Variants in CAGE1 observed in about 807,000 individuals in gnomAD.
The protein encoded by CAGE1 is cancer antigen 1.
Under a neutral mutation model 94.9 loss-of-function variants are expected in CAGE1, and 66 were observed. The ratio of observed to expected loss-of-function variants is 0.70; its 90% CI spans 0.57 to 0.85. The LOEUF (loss-of-function observed/expected upper bound fraction) is 0.85. Ranked by LOEUF, CAGE1 falls within the 40% of genes least tolerant of loss-of-function variation. The pLI, the probability that CAGE1 is intolerant of heterozygous loss-of-function variation, is 0.00. For missense variants in CAGE1, 865 were observed against 950.4 expected (o/e 0.91, Z 1.18); for synonymous variants, 319 against 321.0 (o/e 0.99, Z 0.07).
chr6:7,329,900 A>G lies in CAGE1; in HGVS notation c.2439-12T>C, dbSNP rs1758685298. 1.5e-6 allele frequency: 2 copies of G among 1,333,826 alleles called. No individual in the cohort carries two copies. Among genetic ancestry groups the G allele is most frequent in the Non-Finnish European group, 2.1e-6 (2 of 946,208 alleles). 82.6% of individuals were successfully genotyped at this position (1,333,826 alleles called of 1,614,324 possible). A position where few individuals can be genotyped will look rare whatever the true frequency, so the allele number is the denominator to read the frequency against. On this transcript the variant is annotated splice_polypyrimidine_tract_variant and intron_variant, in intron 12 of 13. Coordinates refer to ENST00000502583, the MANE Select transcript of CAGE1 (RefSeq NM_001170692.2). The stretch of plus-strand genomic sequence containing the variant: ...CTAAGCTTTTTGATCTGTAAGAAAT[A>G]GAAAGAAAATAATGTAAAAAGGAGG...
At chr6:7,376,590 T>C (rs1213630498) in intron 4 of CAGE1, among the ~76,000 whole-genome samples, 1 of 151,964 alleles carries the variant, frequency 6.6e-6, no homozygotes, top group African/African-American at 2.4e-5. Context: ...TTGTTATTCA[T>C]TATAAATTGC....
intron 11 of CAGE1, among the ~76,000 whole-genome samples, chr6:7,335,968 T>C (rs952807718): frequency 2.0e-5 from 3 of 152,236 alleles, no homozygotes; most frequent in Admixed American, 6.5e-5. Flanking sequence ...AAAAAATGTG[T>C]TAAATATTAT....
intron 11 of CAGE1, among the ~76,000 whole-genome samples, chr6:7,345,072 T>G (rs1759384272): frequency 6.6e-6 from 1 of 151,964 alleles, no homozygotes; most frequent in Admixed American, 6.6e-5. Context: ...GTTGAAAGCT[T>G]TGTTCTTTCA....
intron 12 of CAGE1, among the ~76,000 whole-genome samples, chr6:7,333,739 G>T: frequency 6.7e-6 from 1 of 148,930 alleles, no homozygotes; most frequent in Non-Finnish European, 1.5e-5. Flanking sequence ...CACGATCTCG[G>T]CTCACTGCAA....
At chr6:7,350,631 G>T (rs1363674072) in intron 11 of CAGE1, among the ~76,000 whole-genome samples, 1 of 152,072 alleles carries the variant, frequency 6.6e-6, no homozygotes, top group African/African-American at 2.4e-5. Context: ...GCAAATACAT[G>T]GAAATTAAAT....
intron 7 of CAGE1, among the ~76,000 whole-genome samples, chr6:7,367,924 T>C (rs1760406646): frequency 6.6e-6 from 1 of 152,150 alleles, no homozygotes; most frequent in Non-Finnish European, 1.5e-5. Context: ...TCAATCTGTA[T>C]ACTACCACAC....
At chr6:7,352,343 C>T (rs1431300299) in intron 11 of CAGE1, among the ~76,000 whole-genome samples, 19 of 140,872 alleles carry the variant, frequency 1.3e-4, no homozygotes, top group Non-Finnish European at 2.2e-4. Context: ...ACCAAAGAGT[C>T]GAAAGACCTC....
chr6:7,345,924 C>G (rs1348151692), intron 11 of CAGE1, among the ~76,000 whole-genome samples: 1 of 151,650 alleles, frequency 6.6e-6, no homozygotes, highest in Non-Finnish European at 1.5e-5. Flanking sequence ...GAGTCCATCT[C>G]AAAAAAAGAA....
rs377130628 is a variant in CAGE1, at chr6:7,346,346, G to C, written c.2369+8695C>G. 5.9e-5 allele frequency among the ~76,000 whole-genome samples: 9 copies of C among 151,992 alleles called. No individual in the cohort carries two copies. In the East Asian group the frequency reaches 9.7e-4, roughly 16 times the overall value. ...AAGGTGGTAGGACTGATTGAGTCCA[G>C]GAGTTCAAGACCAGCCTGGGCAACA... On this transcript the variant is annotated intron_variant, in intron 11 of 13. Transcript: ENST00000502583.
At position 7,326,832 on chromosome 6, in the gene CAGE1, G is replaced by T. The variant is rs1300879309; in HGVS notation, c.*26C>A. ...TCTTCCTGGAGTGGTTGACAAAAATGATTACTGTTTAATCTTCAGGCTTGT... is the reference window on the plus strand; with the variant it reads ...TCTTCCTGGAGTGGTTGACAAAAATTATTACTGTTTAATCTTCAGGCTTGT... On this transcript the variant is annotated 3_prime_UTR_variant, in exon 14 of 14. Coordinates refer to ENST00000502583, the MANE Select transcript of CAGE1 (RefSeq NM_001170692.2). 1.3e-6 allele frequency: 2 copies of T among 1,513,870 alleles called. No homozygotes were observed. 93.8% of individuals were successfully genotyped at this position (1,513,870 alleles called of 1,614,324 possible). A position where few individuals can be genotyped will look rare whatever the true frequency, so the allele number is the denominator to read the frequency against.
chr6:7,348,960 A>C (rs962578131), intron 11 of CAGE1, among the ~76,000 whole-genome samples: 1 of 152,254 alleles, frequency 6.6e-6, no homozygotes, highest in African/African-American at 2.4e-5. Flanking sequence ...GAGGAAGAAG[A>C]GAAATCTAAA....
At chr6:7,357,688 C>T (rs1396540009) in intron 9 of CAGE1, among the ~76,000 whole-genome samples, 3 of 152,082 alleles carry the variant, frequency 2.0e-5, no homozygotes, top group Non-Finnish European at 4.4e-5. Context: ...TGAGTTTCTG[C>T]TAACGTACAA....
intron 9 of CAGE1, among the ~76,000 whole-genome samples, chr6:7,356,894 T>G (rs1215976989): frequency 6.6e-6 from 1 of 152,100 alleles, no homozygotes; most frequent in African/African-American, 2.4e-5. Context: ...CCTCCCAGGT[T>G]CAAGCAATTC....
At chr6:7,359,143 T>A (rs1354400154) in intron 9 of CAGE1, among the ~76,000 whole-genome samples, 2 of 152,024 alleles carry the variant, frequency 1.3e-5, no homozygotes, top group African/African-American at 2.4e-5. Context: ...TCCTCCCAGG[T>A]TCAAGTGATT....
Position 7,389,671 on chromosome 6 carries a change from G to A in CAGE1, c.-493C>T, listed in dbSNP as rs1761269391. ...CGGCCAGCACGGGCCTCGCCGTGCC[G>A]GCTACTCAACACGCCTTCCTGAGAG... On this transcript the variant is annotated 5_prime_UTR_variant, in exon 1 of 14. Transcript: ENST00000502583. The A allele has an allele frequency of 7.0e-6, 3 of 428,194 alleles. No individual in the cohort carries two copies. Among genetic ancestry groups the A allele is most frequent in the Non-Finnish European group, 8.7e-6 (2 of 230,728 alleles). 26.5% of individuals were successfully genotyped at this position (428,194 alleles called of 1,614,324 possible). A position where few individuals can be genotyped will look rare whatever the true frequency, so the allele number is the denominator to read the frequency against.
At chr6:7,336,804 G>A (rs887531481) in intron 11 of CAGE1, among the ~76,000 whole-genome samples, 6 of 151,970 alleles carry the variant, frequency 3.9e-5, no homozygotes, top group African/African-American at 1.2e-4. Context: ...GCCACCGCAC[G>A]CAGCTGACAT....
At chr6:7,388,871 C>CA (rs773041807) in intron 1 of CAGE1, among the ~76,000 whole-genome samples, 1 of 152,142 alleles carries the variant, frequency 6.6e-6, no homozygotes, top group Non-Finnish European at 1.5e-5. Flanking sequence ...TTTCCCAATG[C>CA]AAAAAAGCGC....
intron 3 of CAGE1, among the ~76,000 whole-genome samples, chr6:7,381,179 C>T (rs537078640): frequency 6.6e-6 from 1 of 152,262 alleles, no homozygotes; most frequent in Non-Finnish European, 1.5e-5. Context: ...TACCTTAAAA[C>T]ATGACTCTTA....
At chr6:7,329,923 A>G (rs1399981909) in intron 12 of CAGE1, 35 bp from the exon 13 acceptor site, 6 of 979,566 alleles carry the variant, frequency 6.1e-6, no homozygotes, top group Non-Finnish European at 9.5e-6. Flanking sequence ...TGTAAAAAGG[A>G]GGAAGGGGGG....
Sources: allele counts gnomAD v4.1 joint callset (sites outside exome capture counted in the v4.1 genomes callset), GRCh38; gene constraint gnomAD v4.1.1; transcripts MANE v1.5; gene names NCBI Gene and HGNC (gene_info 2026-07-23, HGNC 2026-07-21).